Variants in DDX42 observed in about 807,000 individuals in gnomAD.
DDX42 encodes ATP-dependent RNA helicase DDX42.
In DDX42, 22 loss-of-function variants were observed where a neutral mutation model predicts 101.5. That is an observed-to-expected ratio of 0.22 (90% CI 0.15 to 0.31). The LOEUF (loss-of-function observed/expected upper bound fraction) is 0.31. Ranked by LOEUF, DDX42 falls within the 10% of genes least tolerant of loss-of-function variation. DDX42 has a pLI of 1.00. For missense variants in DDX42, 849 were observed against 1,199.9 expected (o/e 0.71, Z 4.32); for synonymous variants, 402 against 401.2 (o/e 1.00, Z -0.02).
At position 63,799,593 on chromosome 17, in the gene DDX42, A is replaced by G; in HGVS notation, c.439A>G (p.Ile147Val). The change falls in exon 5 of 18, where the codon ATT (isoleucine) becomes GTT (valine). Residue 147 changes from isoleucine (I) to valine (V), a missense_variant. By Grantham distance (29) the Ile-to-Val change is conservative. Coordinates refer to ENST00000389924, the MANE Select transcript of DDX42 (RefSeq NM_203499.3). ...KDKERKNVKG[I>V]RDDIEEEDDQ... ...TTTCTCCGCTTGTTTTTCCAGGGGTATTCGAGATGACATTGAAGAGGAAGA... is the reference window on the plus strand; with the variant it reads ...TTTCTCCGCTTGTTTTTCCAGGGGTGTTCGAGATGACATTGAAGAGGAAGA... 1.9e-6 allele frequency: 3 copies of G among 1,613,014 alleles called. No homozygotes were observed. Among genetic ancestry groups the G allele is most frequent in the South Asian group, 2.2e-5 (2 of 90,922 alleles).
chr17:63,783,600 T>C (rs1417927048), intron 1 of DDX42, among the ~76,000 whole-genome samples: 1 of 152,206 alleles, frequency 6.6e-6, no homozygotes, highest in Admixed American at 6.5e-5. Context: ...AGGAATCCCC[T>C]TATGGGATTC....
chr17:63,809,030 A>G (rs2039877713), intron 10 of DDX42, 82 bp downstream of exon 10: 11 of 1,552,760 alleles, frequency 7.1e-6, no homozygotes, highest in South Asian at 4.8e-5. Context: ...AATTTCCCCT[A>G]AAGTGTGGTA....
rs763669330 is a variant in DDX42, at chr17:63,809,556, A to C, written c.1153-4A>C. ...ACTTACTGTTCATTTTGTTGATCTT[A>C]TAGGGTCGACTGATAGATCATGTGA... On this transcript the variant is annotated splice_polypyrimidine_tract_variant and splice_region_variant and intron_variant, in intron 10 of 17. Coordinates refer to ENST00000389924, the MANE Select transcript of DDX42 (RefSeq NM_203499.3). 6 of 1,611,956 alleles carry C rather than the reference A, an allele frequency of 3.7e-6. No homozygotes were observed. In the East Asian group the frequency reaches 1.3e-4, roughly 36 times the overall value.
At chr17:63,812,577 A>G (rs1421327400) in intron 14 of DDX42, among the ~76,000 whole-genome samples, 1 of 152,250 alleles carries the variant, frequency 6.6e-6, no homozygotes, top group Admixed American at 6.5e-5. Flanking sequence ...TTTTTGGAAT[A>G]TAATTTCTGG....
intron 1 of DDX42, chr17:63,775,904 C>T (rs1442832626): frequency 1.3e-5 from 2 of 152,204 alleles, no homozygotes; most frequent in Non-Finnish European, 2.9e-5. Context: ...GTCATATAAT[C>T]AGCTCTTAGT....
Position 63,808,926 on chromosome 17 carries a change from C to T in DDX42, c.1130C>T (p.Ala377Val). The T allele has an allele frequency of 6.2e-7, 1 of 1,613,856 alleles. No individual in the cohort carries two copies. Among genetic ancestry groups the T allele is most frequent in the Non-Finnish European group, 8.5e-7 (1 of 1,179,850 alleles). The stretch of plus-strand genomic sequence containing the variant: ...CAGGCCAAGGCCCTTCAGGAGGGGG[C>T]AGAGATTGTTGTGTGTACCCCAGTA... ...WEQAKALQEGAEIVVCTPGRL... is the reference protein window; with the variant it reads ...WEQAKALQEGVEIVVCTPGRL... The change falls in exon 10 of 18, where the codon GCA (alanine) becomes GTA (valine). Residue 377 changes from alanine (A) to valine (V), a missense_variant. Physicochemically the swap from Ala to Val is moderately conservative, Grantham distance 64. Transcript: ENST00000389924.
intron 3 of DDX42, among the ~76,000 whole-genome samples, chr17:63,797,352 C>CAAAAAAAAAA (rs59892636): frequency 1.0e-5 from 1 of 100,028 alleles, no homozygotes. Flanking sequence ...AACTCCATCT[C>CAAAAAAAAAA]AAAAAAAAAA....
At chr17:63,803,263 A>T (rs1480759774) in intron 6 of DDX42, among the ~76,000 whole-genome samples, 1 of 152,186 alleles carries the variant, frequency 6.6e-6, no homozygotes, top group Non-Finnish European at 1.5e-5. Context: ...TTAGGAAATG[A>T]CCACTTGTCA....
At chr17:63,787,950 G>A (rs1374917295) in intron 2 of DDX42, among the ~76,000 whole-genome samples, 1 of 141,680 alleles carries the variant, frequency 7.1e-6, no homozygotes, top group East Asian at 2.1e-4. Context: ...CGTCACCCAG[G>A]CTGGAGTATA....
At chr17:63,794,392 T>A (rs2039666772) in intron 3 of DDX42, among the ~76,000 whole-genome samples, 1 of 151,624 alleles carries the variant, frequency 6.6e-6, no homozygotes, top group Non-Finnish European at 1.5e-5. Flanking sequence ...AAAAATAAAA[T>A]TTAGCCAGGC....
chr17:63,809,463 A>G (rs1190310374), intron 10 of DDX42, 97 bp from the exon 11 acceptor site: 1 of 891,288 alleles, frequency 1.1e-6, no homozygotes, highest in East Asian at 2.5e-5. Flanking sequence ...ACAGTCTGAG[A>G]CTAGAGAATT....
chr17:63,815,720 C>T, intron 16 of DDX42, 47 bp downstream of exon 16: 1 of 1,326,184 alleles, frequency 7.5e-7, no homozygotes, highest in Non-Finnish European at 1.1e-6. Context: ...GGTCTCATGT[C>T]CTGAAAGTCA....
At position 63,787,233 on chromosome 17, in the gene DDX42, A is replaced by G; in HGVS notation, c.184A>G (p.Ile62Val). The change falls in exon 2 of 18, where the codon ATT becomes GTT. Residue 62 changes from isoleucine (I) to valine (V), a missense_variant. By Grantham distance (29) the Ile-to-Val change is conservative. Around this residue, in one of 5 missense-constraint regions of DDX42, gnomAD observed 92 missense variants for 106.7 expected, o/e 0.86. Coordinates refer to ENST00000389924, the MANE Select transcript of DDX42 (RefSeq NM_203499.3). ...APPQLPSFYK[I>V]GSKRANFDEE... ...ACCACAGCTTCCTTCTTTCTACAAA[A>G]TTGGATCTAAGCGGGCCAACTTTGA... 6.2e-7 allele frequency: 1 copy of G among 1,614,196 alleles called. No homozygotes were observed. Among genetic ancestry groups the G allele is most frequent in the Non-Finnish European group, 8.5e-7 (1 of 1,180,026 alleles).
At chr17:63,801,555 A>G (rs1007920058) in intron 6 of DDX42, among the ~76,000 whole-genome samples, 1 of 148,990 alleles carries the variant, frequency 6.7e-6, no homozygotes, top group Non-Finnish European at 1.5e-5. Flanking sequence ...TTCCAGACGA[A>G]GTCTTGCTCT....
chr17:63,781,054 A>G (rs938631488), intron 1 of DDX42, among the ~76,000 whole-genome samples: 2 of 152,030 alleles, frequency 1.3e-5, no homozygotes, highest in Non-Finnish European at 2.9e-5. Context: ...TCTCCTTCCT[A>G]TCATTGATAA....
chr17:63,796,411 G>C, intron 3 of DDX42, among the ~76,000 whole-genome samples: 2 of 152,180 alleles, frequency 1.3e-5, no homozygotes. Context: ...CCGGGTCCCG[G>C]GTTCAAGCGA....
intron 16 of DDX42, chr17:63,815,915 T>G: frequency 4.2e-6 from 1 of 236,386 alleles, no homozygotes; most frequent in Non-Finnish European, 8.2e-6. Flanking sequence ...AGATTAGCAG[T>G]GATCTCACAC....
At position 63,813,598 on chromosome 17, in the gene DDX42, T is replaced by G. The variant is rs2039939117; in HGVS notation, c.1902+144T>G. 4 of 644,038 alleles carry G rather than the reference T, an allele frequency of 6.2e-6. No homozygotes were observed. The Admixed American group carries it at 8.8e-5, about 14-fold the overall frequency. The allele number at this position is 644,038 out of a possible 1,614,324, so 39.9% of individuals were successfully genotyped here. ...GCTTATGAGGTACAGATAGGAATTG[T>G]GAGATACTAAAATTCATCTAGTCTT... On this transcript the variant is annotated intron_variant, in intron 15 of 17. Transcript: ENST00000389924.
intron 6 of DDX42, among the ~76,000 whole-genome samples, chr17:63,803,338 C>T (rs1203808557): frequency 1.3e-5 from 2 of 151,912 alleles, no homozygotes; most frequent in Non-Finnish European, 2.9e-5. Context: ...CCTGTAATTC[C>T]AGCACTTTGG....
Sources: gnomAD v4.1 joint callset for allele counts (sites outside exome capture counted in the v4.1 genomes callset) on GRCh38, gnomAD v4.1.1 for gene constraint, gnomAD v4.1.1 regional missense constraint, MANE v1.5 for transcripts, NCBI Gene and HGNC (gene_info 2026-07-23, HGNC 2026-07-21) for gene names.